The following CASK variants were observed in gnomAD, a reference collection of about 807,000 sequenced individuals.
The protein encoded by CASK is peripheral plasma membrane protein CASK.
A neutral mutation model predicts 82.9 loss-of-function variants in CASK; 4 were observed. The ratio of observed to expected loss-of-function variants is 0.05; its 90% CI spans 0.02 to 0.11. The LOEUF is 0.11. Ranked by LOEUF, CASK falls within the 10% of genes least tolerant of loss-of-function variation. The pLI, the probability that CASK is intolerant of heterozygous loss-of-function variation, is 1.00. For missense variants in CASK, 358 were observed against 720.9 expected (o/e 0.50, Z 5.76); for synonymous variants, 259 against 253.5 (o/e 1.02, Z -0.20).
In CASK at chrX:41,766,577, G is replaced by A. The variant is rs182956681; in HGVS notation, c.278+20601C>T. Among the ~76,000 whole-genome samples the A allele has an allele frequency of 5.1e-4, 57 of 111,441 alleles. No homozygotes were observed. The East Asian group carries it at 0.013, about 25-fold the overall frequency. The stretch of plus-strand genomic sequence containing the variant: ...ACTGCTTGATTTTGAGGCAAATCCC[G>A]GACATCAATAAAACATTATGCATAA... On this transcript the variant is annotated intron_variant, in intron 3 of 26. Coordinates refer to ENST00000378163, the MANE Select transcript of CASK (RefSeq NM_001367721.1).
At chrX:41,527,236 A>C (rs1157350170) in intron 25 of CASK, among the ~76,000 whole-genome samples, 2 of 110,397 alleles carry the variant, frequency 1.8e-5, no homozygotes, top group African/African-American at 6.6e-5. Flanking sequence ...AGAGGCAGAG[A>C]GAGAGACAGA....
rs779629178 is a variant in CASK, at chrX:41,531,103, G to A, written c.2424C>T (p.Tyr808=). 13 of 1,203,233 alleles carry A rather than the reference G, an allele frequency of 1.1e-5. No homozygotes were observed. The highest frequency in any genetic ancestry group is 2.2e-5 in the Admixed American group (1 of 45,762). Residue 808 remains tyrosine (Y), a synonymous_variant, in exon 25 of 27, where the codon TAC becomes TAT. Transcript: ENST00000378163. ...QDISNNEYLE[Y]GSHEDAMYGT... ...CATACATCGCATCCTCGTGGCTGCC[G>A]TACTCCAAGTACTCGTTATTAGAGA...
intron 1 of CASK, among the ~76,000 whole-genome samples, chrX:41,902,579 A>G (rs905943565): frequency 8.9e-6 from 1 of 112,358 alleles, no homozygotes; most frequent in East Asian, 2.8e-4. Flanking sequence ...AGATCCTTTT[A>G]CCATGTAAAG....
chrX:41,603,275 T>C (rs761361692), intron 12 of CASK, among the ~76,000 whole-genome samples: 1 of 112,392 alleles, frequency 8.9e-6, no homozygotes, highest in African/African-American at 3.2e-5. Context: ...AAAAACATTA[T>C]CTCCAGATTA....
intron 5 of CASK, among the ~76,000 whole-genome samples, chrX:41,718,828 G>A (rs139577681): frequency 1.8e-5 from 2 of 111,508 alleles, no homozygotes; most frequent in African/African-American, 6.5e-5. Flanking sequence ...GAATTCCCGG[G>A]CTTCCTTCTG....
At chrX:41,738,870 T>C (rs1327266726) in intron 5 of CASK, among the ~76,000 whole-genome samples, 1 of 111,647 alleles carries the variant, frequency 9.0e-6, no homozygotes, top group African/African-American at 3.3e-5. Context: ...TGGGATGAAA[T>C]AGGCAGAAAG....
At chrX:41,757,846 T>C (rs1467132380) in intron 3 of CASK, among the ~76,000 whole-genome samples, 1 of 112,076 alleles carries the variant, frequency 8.9e-6, no homozygotes, top group Admixed American at 9.4e-5. Context: ...GTCTGTACAA[T>C]TGTCTATAGA....
rs2065126362 is a variant in CASK at position 41,553,571 on chromosome X, T to C, written c.2039+148A>G. On this transcript the variant is annotated intron_variant, in intron 21 of 26. Transcript: ENST00000378163. Reference sequence around the variant, plus strand: ...CTAGATACTGAAGATATAGAATTCTTGGATGACTAATTTAAATTTTGTTTG... The same window carrying C: ...CTAGATACTGAAGATATAGAATTCTCGGATGACTAATTTAAATTTTGTTTG... 2.5e-5 allele frequency: 12 copies of C among 472,236 alleles called. No individual in the cohort carries two copies. In the South Asian group the frequency reaches 3.8e-4, roughly 15 times the overall value. 38.9% of individuals were successfully genotyped at this position (472,236 alleles called of 1,213,427 possible). A position where few individuals can be genotyped will look rare whatever the true frequency, so the allele number is the denominator to read the frequency against.
In CASK at chrX:41,586,942, C is replaced by T; in HGVS notation, c.1279G>A (p.Glu427Lys). The change falls in exon 14 of 27, where the codon GAA becomes AAA. Residue 427 changes from glutamate (E) to lysine (K), a missense_variant. This residue lies in a region of CASK where 110 missense variants were observed against 218.8 expected (regional missense o/e 0.50). Coordinates refer to ENST00000378163, the MANE Select transcript of CASK (RefSeq NM_001367721.1). Reference sequence around the variant, plus strand: ...GGTTGTGTTAAAATACGCTTTAGTTCCTTTGCGTCGTTATTCTCAGGGTAA... The same window carrying T: ...GGTTGTGTTAAAATACGCTTTAGTTTCTTTGCGTCGTTATTCTCAGGGTAA... ...SCYPENNDAK[E>K]LKRILTQPHF... 8.4e-7 allele frequency: 1 copy of T among 1,186,512 alleles called. No individual in the cohort carries two copies. Among genetic ancestry groups the T allele is most frequent in the Non-Finnish European group, 1.1e-6 (1 of 873,842 alleles).
At chrX:41,543,874 T>C (rs902192292) in intron 21 of CASK, among the ~76,000 whole-genome samples, 1 of 112,554 alleles carries the variant, frequency 8.9e-6, no homozygotes, top group Admixed American at 9.4e-5. Flanking sequence ...ACACTTGGTA[T>C]TATCTGTCTT....
At chrX:41,893,038 T>C (rs2072203141) in intron 1 of CASK, among the ~76,000 whole-genome samples, 1 of 111,632 alleles carries the variant, frequency 9.0e-6, no homozygotes, top group Non-Finnish European at 1.9e-5. Context: ...TTATAATGAG[T>C]TATCAAGAAC....
rs192293323 is a variant in CASK at position 41,718,214 on chromosome X, C to T, written c.429+21170G>A. ...CGCCCAGGAGGGCATGGAAGCTCCA[C>T]GTCCCTCTCTTCTCCCACACCTCAC... On this transcript the variant is annotated intron_variant, in intron 5 of 26. Coordinates refer to ENST00000378163, the MANE Select transcript of CASK (RefSeq NM_001367721.1). Among the ~76,000 whole-genome samples, 5 of 113,550 alleles carry T rather than the reference C, an allele frequency of 4.4e-5. No homozygotes were observed. In the East Asian group the frequency reaches 8.3e-4, roughly 19 times the overall value.
intron 8 of CASK, among the ~76,000 whole-genome samples, chrX:41,646,330 G>C (rs920791034): frequency 9.0e-6 from 1 of 111,082 alleles, no homozygotes; most frequent in Non-Finnish European, 1.9e-5. Context: ...GACTCATATG[G>C]TCTAGTAATA....
chrX:41,858,574 G>A (rs2071417560), intron 1 of CASK, among the ~76,000 whole-genome samples: 1 of 111,383 alleles, frequency 9.0e-6, no homozygotes, highest in Non-Finnish European at 1.9e-5. Flanking sequence ...TCCTGCCTGT[G>A]AAGAGCCCCT....
rs368363969 is a variant in CASK, at chrX:41,745,697, T to C, written c.279-96A>G. 3 of 591,216 alleles carry C rather than the reference T, an allele frequency of 5.1e-6. No homozygotes were observed. The African/African-American group carries it at 6.7e-5, about 13-fold the overall frequency. The allele number at this position is 591,216 out of a possible 1,213,427, so 48.7% of individuals were successfully genotyped here. A position where few individuals can be genotyped will look rare whatever the true frequency, so the allele number is the denominator to read the frequency against. ...ATTGTAACTAAGTTATTAGTTGATT[T>C]ACTGCTAAGGGTTATGTTATTTAAA... On this transcript the variant is annotated intron_variant, in intron 3 of 26. Coordinates refer to ENST00000378163, the MANE Select transcript of CASK (RefSeq NM_001367721.1).
chrX:41,915,384 A>G (rs1424975374), intron 1 of CASK, among the ~76,000 whole-genome samples: 1 of 112,755 alleles, frequency 8.9e-6, no homozygotes, highest in African/African-American at 3.2e-5. Flanking sequence ...TGACAAGATC[A>G]TCAAGTATAT....
At chrX:41,652,491 G>A (rs1433787175) in intron 8 of CASK, among the ~76,000 whole-genome samples, 1 of 111,981 alleles carries the variant, frequency 8.9e-6, no homozygotes, top group Admixed American at 9.5e-5. Flanking sequence ...GCCAATGACT[G>A]ACTGATGGCT....
chrX:41,731,927 G>C (rs1466295716), intron 5 of CASK, among the ~76,000 whole-genome samples: 6 of 107,322 alleles, frequency 5.6e-5, no homozygotes, highest in Non-Finnish European at 1.2e-4. Context: ...ATCATGCCTG[G>C]CTAATTTTTG....
intron 5 of CASK, chrX:41,727,812 C>T (rs775208820): frequency 8.4e-7 from 1 of 1,194,431 alleles, no homozygotes; most frequent in Non-Finnish European, 1.1e-6. Flanking sequence ...TAGTTTGCTT[C>T]CTTCCTTATA....
Sources: gnomAD v4.1 joint callset for allele counts (sites outside exome capture counted in the v4.1 genomes callset) on GRCh38, gnomAD v4.1.1 for gene constraint, gnomAD v4.1.1 regional missense constraint, MANE v1.5 for transcripts, NCBI Gene and HGNC (gene_info 2026-07-23, HGNC 2026-07-21) for gene names.